R3HDM1: variants seen among roughly 807,000 people sequenced by gnomAD.
R3HDM1 encodes R3H domain containing 1, also known as R3H domain-containing protein 1.
In R3HDM1, 46 loss-of-function variants were observed where a neutral mutation model predicts 141.1. That is an observed-to-expected ratio of 0.33 (90% CI 0.26 to 0.42). The LOEUF is 0.42. R3HDM1 is among the 10% of genes least tolerant of loss of function. The pLI is 1.00. For missense variants in R3HDM1, 1,184 were observed against 1,368.3 expected (o/e 0.87, Z 2.12); for synonymous variants, 435 against 472.9 (o/e 0.92, Z 1.04).
intron 19 of R3HDM1, chr2:135,667,817 A>G: frequency 1.1e-6 from 1 of 910,836 alleles, no homozygotes; most frequent in Non-Finnish European, 1.3e-6. Flanking sequence ...TTTTGACACT[A>G]TGAGAACTCT....
At chr2:135,538,677 G>A (rs966608907) in intron 1 of R3HDM1, among the ~76,000 whole-genome samples, 1 of 152,086 alleles carries the variant, frequency 6.6e-6, no homozygotes. Flanking sequence ...GCAGTGGCAC[G>A]ATCTTGGCTC....
intron 1 of R3HDM1, among the ~76,000 whole-genome samples, chr2:135,599,232 T>C (rs2059428866): frequency 6.6e-6 from 1 of 152,192 alleles, no homozygotes; most frequent in African/African-American, 2.4e-5. Flanking sequence ...AGGAATTATA[T>C]ATAAGCACAT....
intron 3 of R3HDM1, 121 bp from the exon 4 acceptor site, chr2:135,616,031 G>T: frequency 1.1e-6 from 1 of 882,050 alleles, no homozygotes; most frequent in Non-Finnish European, 1.7e-6. Flanking sequence ...AACCAACTTT[G>T]ATTTCCTCAC....
At chr2:135,655,631 C>T (rs923993755) in intron 18 of R3HDM1, among the ~76,000 whole-genome samples, 30 of 151,752 alleles carry the variant, frequency 2.0e-4, no homozygotes, top group Non-Finnish European at 1.3e-4. Flanking sequence ...CTCAGCCTCC[C>T]GAGTAGCTGG....
At chr2:135,610,151 C>A (rs565943140) in intron 3 of R3HDM1, among the ~76,000 whole-genome samples, 1 of 152,238 alleles carries the variant, frequency 6.6e-6, no homozygotes, top group South Asian at 2.1e-4. Context: ...ATTAAAGGTT[C>A]AAACTCAACT....
intron 3 of R3HDM1, among the ~76,000 whole-genome samples, chr2:135,611,258 C>T (rs2060519813): frequency 6.6e-6 from 1 of 150,910 alleles, no homozygotes; most frequent in African/African-American, 2.4e-5. Context: ...CCCATCTCTA[C>T]AAAAAAACAC....
At chr2:135,671,201 G>A (rs2068279550) in intron 19 of R3HDM1, among the ~76,000 whole-genome samples, 1 of 150,624 alleles carries the variant, frequency 6.6e-6, no homozygotes, top group Admixed American at 6.7e-5. Context: ...TAACTATATG[G>A]AATCTGTGAT....
rs1276570862 is a variant in R3HDM1, at chr2:135,715,564, C to T, written c.2751C>T (p.Leu917=). 6.2e-7 allele frequency: 1 copy of T among 1,614,046 alleles called. No homozygotes were observed. The highest frequency in any genetic ancestry group is 2.2e-5 in the East Asian group (1 of 44,882). Residue 917 remains leucine (L), a synonymous_variant, in exon 24 of 27, where the codon CTC becomes CTT. Coordinates refer to ENST00000683871, the MANE Select transcript of R3HDM1 (RefSeq NM_001378107.1). ...VDNIVQHSPQ[L]SSPIISPAQS... is the part of the protein sequence containing the mutation. The stretch of plus-strand genomic sequence containing the variant: ...TGTAATTGCAGCACAGCCCTCAACT[C>T]AGTAGCCCCATTATTTCACCAGCTC...
At chr2:135,664,288 T>C (rs1279715832) in intron 19 of R3HDM1, among the ~76,000 whole-genome samples, 2 of 152,204 alleles carry the variant, frequency 1.3e-5, no homozygotes, top group African/African-American at 4.8e-5. Flanking sequence ...AAATACTTTT[T>C]CATATCTCTT....
chr2:135,538,163 A>G (rs1335386461), intron 1 of R3HDM1, among the ~76,000 whole-genome samples: 1 of 152,230 alleles, frequency 6.6e-6, no homozygotes, highest in Non-Finnish European at 1.5e-5. Context: ...CTACAAACCT[A>G]TACAGTATGC....
intron 1 of R3HDM1, 85 bp downstream of exon 1, chr2:135,531,718 T>C: frequency 1.0e-6 from 1 of 985,890 alleles, no homozygotes; most frequent in South Asian, 4.7e-5. Flanking sequence ...CCGGTAGCGC[T>C]AACGGAGAAG....
intron 1 of R3HDM1, among the ~76,000 whole-genome samples, chr2:135,562,835 A>G (rs1268932112): frequency 6.6e-6 from 1 of 152,298 alleles, no homozygotes; most frequent in Middle Eastern, 3.4e-3. Context: ...TCCTGTTTCA[A>G]CCTCAGTAAA....
intron 1 of R3HDM1, among the ~76,000 whole-genome samples, chr2:135,558,735 G>T (rs1701233512): frequency 6.6e-6 from 1 of 152,174 alleles, no homozygotes. Flanking sequence ...AGAATATGTA[G>T]TTTGGGGAGA....
At chr2:135,536,815 C>T (rs1696228601) in intron 1 of R3HDM1, 1 of 652,870 alleles carries the variant, frequency 1.5e-6, no homozygotes, top group African/African-American at 2.0e-5. Context: ...ACCACCTGAG[C>T]TCTGCCTCCT....
chr2:135,687,722 G>C lies in R3HDM1; in HGVS notation c.2459+7398G>C, dbSNP rs146831622. ...GATTAATATGTTTTCTGTGTAACAT[G>C]AATCTACGTCATTGTTCTTTTCTGG... On this transcript the variant is annotated intron_variant, in intron 21 of 26. Transcript: ENST00000683871. 3.0e-3 allele frequency among the ~76,000 whole-genome samples: 457 copies of C among 152,288 alleles called. 3 individuals are homozygous for C. Among genetic ancestry groups the C allele is most frequent in the African/African-American group, 0.01 (426 of 41,560 alleles).
intron 9 of R3HDM1, among the ~76,000 whole-genome samples, 163 bp from the exon 10 acceptor site, chr2:135,635,727 G>A (rs935247465): frequency 3.9e-5 from 6 of 152,212 alleles, no homozygotes. Flanking sequence ...ATTTTCTCAT[G>A]AGATTATTGT....
intron 1 of R3HDM1, among the ~76,000 whole-genome samples, chr2:135,531,976 A>G (rs1400044036): frequency 6.6e-6 from 1 of 152,178 alleles, no homozygotes; most frequent in Non-Finnish European, 1.5e-5. Flanking sequence ...CGGAGGAGGC[A>G]GGGGAAAGGT....
chr2:135,539,242 A>T (rs1029249337), intron 1 of R3HDM1, among the ~76,000 whole-genome samples: 1 of 152,174 alleles, frequency 6.6e-6, no homozygotes, highest in Non-Finnish European at 1.5e-5. Context: ...TAAATGCATA[A>T]ATCAGTATCA....
intron 1 of R3HDM1, among the ~76,000 whole-genome samples, chr2:135,546,720 G>C (rs976681001): frequency 6.6e-6 from 1 of 152,152 alleles, no homozygotes; most frequent in Non-Finnish European, 1.5e-5. Context: ...TGGTTACGCT[G>C]GAGTGCAGTG....
Sources: gnomAD v4.1 joint callset for allele counts (sites outside exome capture counted in the v4.1 genomes callset) on GRCh38, gnomAD v4.1.1 for gene constraint, MANE v1.5 for transcripts, NCBI Gene and HGNC (gene_info 2026-07-23, HGNC 2026-07-21) for gene names.